The following ADAM18 variants were observed in gnomAD, a reference collection of about 807,000 sequenced individuals.
The protein encoded by ADAM18 is ADAM metallopeptidase domain 18.
In ADAM18, 117 loss-of-function variants were observed where a neutral mutation model predicts 94.4. The ratio of observed to expected loss-of-function variants is 1.24; its 90% confidence interval spans 1.07 to 1.45. The LOEUF is 1.45. Among genes scored for constraint, ADAM18 ranks in the 40% most tolerant of loss-of-function variants. The pLI, the probability that ADAM18 is intolerant of heterozygous loss-of-function variation, is 0.00. For missense variants in ADAM18, 936 were observed against 880.0 expected (o/e 1.06, Z -0.81); for synonymous variants, 327 against 291.6 (o/e 1.12, Z -1.24).
At chr8:39,673,160 C>A (rs1279017333) in intron 14 of ADAM18, among the ~76,000 whole-genome samples, 1 of 152,220 alleles carries the variant, frequency 6.6e-6, no homozygotes, top group South Asian at 2.1e-4. Flanking sequence ...CCTGCAGAAA[C>A]AAGATGATCC....
chr8:39,642,531 T>A (rs1458477263), intron 10 of ADAM18, among the ~76,000 whole-genome samples: 1 of 151,964 alleles, frequency 6.6e-6, no homozygotes, highest in African/African-American at 2.4e-5. Context: ...CCTTTGCTTG[T>A]TTTTGTTAGG....
chr8:39,596,591 C>T (rs1455698420), intron 2 of ADAM18, among the ~76,000 whole-genome samples: 2 of 152,198 alleles, frequency 1.3e-5, no homozygotes, highest in Non-Finnish European at 2.9e-5. Context: ...GATGTGTTGG[C>T]TGCTTCTAAG....
chr8:39,716,831 T>A (rs1254448012), intron 18 of ADAM18, among the ~76,000 whole-genome samples: 1 of 151,900 alleles, frequency 6.6e-6, no homozygotes, highest in Non-Finnish European at 1.5e-5. Context: ...TGATATCTAT[T>A]TCTCCGTTTA....
chr8:39,666,608 G>T (rs929845627), intron 13 of ADAM18, among the ~76,000 whole-genome samples: 13 of 152,282 alleles, frequency 8.5e-5, no homozygotes, highest in Non-Finnish European at 7.4e-5. Flanking sequence ...GGCTGGGAAG[G>T]CCTCACAATC....
intron 18 of ADAM18, among the ~76,000 whole-genome samples, chr8:39,719,089 T>G (rs1320779392): frequency 6.6e-6 from 1 of 151,186 alleles, no homozygotes; most frequent in Non-Finnish European, 1.5e-5. Context: ...ATATTGAAAC[T>G]CACTATAAAG....
chr8:39,653,489 T>C (rs1820596644), intron 12 of ADAM18, among the ~76,000 whole-genome samples: 1 of 152,108 alleles, frequency 6.6e-6, no homozygotes, highest in Admixed American at 6.5e-5. Flanking sequence ...ATTAAAAAAG[T>C]GAATAAATAG....
intron 6 of ADAM18, among the ~76,000 whole-genome samples, chr8:39,613,994 A>G (rs189139534): frequency 1.3e-5 from 2 of 152,332 alleles, no homozygotes; most frequent in Admixed American, 1.3e-4. Flanking sequence ...GAACGAACCT[A>G]TCATTGTCAT....
rs1399683128 is a variant in ADAM18, at chr8:39,609,087, T to C, written c.234T>C (p.Thr78=). The C allele has an allele frequency of 1.3e-6, 2 of 1,592,862 alleles. No individual in the cohort carries two copies. Among genetic ancestry groups the C allele is most frequent in the Non-Finnish European group, 1.7e-6 (2 of 1,170,278 alleles). Residue 78 remains threonine (T), a synonymous_variant, in exon 4 of 20, where the codon ACT becomes ACC. Transcript: ENST00000265707. ...TTTTGGTTTATACATATAATGAAACTGGATCTTTGCATTCTGTGTCTCCAT... is the reference window on the plus strand; with the variant it reads ...TTTTGGTTTATACATATAATGAAACCGGATCTTTGCATTCTGTGTCTCCAT... The part of the protein sequence containing the change: ...QNFLVYTYNE[T]GSLHSVSPYF...
chr8:39,637,400 T>A, intron 8 of ADAM18, 65 bp downstream of exon 8: 1 of 1,497,116 alleles, frequency 6.7e-7, no homozygotes, highest in Non-Finnish European at 9.1e-7. Flanking sequence ...TTGGGTTCTA[T>A]CTTGGCCAAT....
intron 2 of ADAM18, among the ~76,000 whole-genome samples, chr8:39,595,645 C>G (rs1022188908): frequency 1.3e-5 from 2 of 151,996 alleles, no homozygotes; most frequent in Non-Finnish European, 2.9e-5. Context: ...CCTCAGCCTC[C>G]CAAATAGCTG....
At chr8:39,708,103 A>G (rs1321354377) in intron 18 of ADAM18, among the ~76,000 whole-genome samples, 2 of 152,226 alleles carry the variant, frequency 1.3e-5, no homozygotes, top group Non-Finnish European at 2.9e-5. Flanking sequence ...AGATTTCATC[A>G]TGCTACCCAG....
At position 39,677,490 on chromosome 8, in the gene ADAM18, GA is replaced by G; in HGVS notation, c.1589del (p.Asn530ThrfsTer22). 6.2e-7 allele frequency: 1 copy of G among 1,610,784 alleles called. No individual in the cohort carries two copies. Among genetic ancestry groups the G allele is most frequent in the African/African-American group, 1.3e-5 (1 of 74,882 alleles). ...KEVNSLHERS[E>X]NCGFKNSQPL... ...AGTTAATTCTCTGCATGAAAGATCT[GA>G]AAACTGTGGTTTTAAAAATTCACAA... On this transcript the variant is annotated frameshift_variant, in exon 15 of 20. Transcript: ENST00000265707. LOFTEE classifies it high-confidence loss of function.
intron 12 of ADAM18, among the ~76,000 whole-genome samples, chr8:39,654,154 CTTTTTTTTTTTT>C (rs1177248372): frequency 1.4e-5 from 2 of 139,852 alleles, no homozygotes; most frequent in African/African-American, 5.5e-5. Flanking sequence ...GATTTCATTC[CTTTTTTTTTTTT>C]TTTTTTTTGG....
At chr8:39,722,620 A>G (rs981433568) in intron 18 of ADAM18, among the ~76,000 whole-genome samples, 17 of 151,546 alleles carry the variant, frequency 1.1e-4, no homozygotes, top group African/African-American at 4.1e-4. Context: ...CCTAGACTTC[A>G]CCACTGCACA....
chr8:39,692,812 C>T (rs1380254432), intron 17 of ADAM18, 132 bp downstream of exon 17: 4 of 578,876 alleles, frequency 6.9e-6, no homozygotes, highest in Non-Finnish European at 8.8e-6. Context: ...ATTAACTGAC[C>T]TAATTTCAAA....
At chr8:39,610,341 G>A (rs1008033832) in intron 5 of ADAM18, among the ~76,000 whole-genome samples, 188 bp from the exon 6 acceptor site, 3 of 151,984 alleles carry the variant, frequency 2.0e-5, no homozygotes, top group Admixed American at 1.3e-4. Context: ...TAAGCAAAAC[G>A]AAGCCAGATA....
chr8:39,592,338 TTAC>T (rs1818592263), intron 2 of ADAM18, among the ~76,000 whole-genome samples: 1 of 152,150 alleles, frequency 6.6e-6, no homozygotes, highest in Non-Finnish European at 1.5e-5. Context: ...AATACCCATT[TTAC>T]ATTGATAAAA....
chr8:39,723,365 A>G (rs985473350), intron 18 of ADAM18, among the ~76,000 whole-genome samples: 1 of 151,584 alleles, frequency 6.6e-6, no homozygotes, highest in Non-Finnish European at 1.5e-5. Flanking sequence ...TGAGTCATTT[A>G]TAAATGGTTT....
chr8:39,602,693 C>T (rs916534441), intron 2 of ADAM18, among the ~76,000 whole-genome samples: 2 of 151,974 alleles, frequency 1.3e-5, no homozygotes, highest in South Asian at 4.2e-4. Flanking sequence ...TTTTTATGTA[C>T]TCTAGTTAAG....
Sources: allele counts gnomAD v4.1 joint callset (sites outside exome capture counted in the v4.1 genomes callset), GRCh38; gene constraint gnomAD v4.1.1; transcripts MANE v1.5; gene names NCBI Gene and HGNC (gene_info 2026-07-23, HGNC 2026-07-21).